LCLAT1: variants seen among roughly 807,000 people sequenced by gnomAD.
LCLAT1 encodes the protein lysocardiolipin acyltransferase 1.
Under a neutral mutation model 30.7 loss-of-function variants are expected in LCLAT1, and 11 were observed. The observed-to-expected ratio is 0.36, with a 90% confidence interval of 0.23 to 0.59. The LOEUF (loss-of-function observed/expected upper bound fraction) is 0.59. LCLAT1 is among the 20% of genes least tolerant of loss of function. The pLI, the probability that LCLAT1 is intolerant of heterozygous loss-of-function variation, is 0.77. For synonymous variants in LCLAT1, 155 were observed against 151.3 expected, an observed-to-expected ratio of 1.02 and a Z score of -0.18; for missense variants, 402 against 458.6, an observed-to-expected ratio of 0.88 and a Z score of 1.13.
intron 1 of LCLAT1, among the ~76,000 whole-genome samples, chr2:30,513,853 A>G (rs966078394): frequency 6.6e-6 from 1 of 152,216 alleles, no homozygotes; most frequent in Non-Finnish European, 1.5e-5. Flanking sequence ...CTTTCCAGAT[A>G]GAACCAAATG....
chr2:30,490,814 G>A (rs1421497198), intron 1 of LCLAT1, among the ~76,000 whole-genome samples: 4 of 152,164 alleles, frequency 2.6e-5, no homozygotes, highest in Admixed American at 2.0e-4. Context: ...AAGCAGCACT[G>A]TCCAACATGG....
intron 5 of LCLAT1, chr2:30,605,963 G>C (rs931001598): frequency 6.9e-5 from 87 of 1,253,158 alleles, no homozygotes; most frequent in Non-Finnish European, 8.7e-5. Flanking sequence ...TCACAGGAGG[G>C]TTCTTGCTAC....
At chr2:30,523,199 G>A (rs1685558442) in intron 1 of LCLAT1, among the ~76,000 whole-genome samples, 1 of 151,496 alleles carries the variant, frequency 6.6e-6, no homozygotes, top group Non-Finnish European at 1.5e-5. Context: ...AGCGTTGCAG[G>A]ACTGGGGGGC....
intron 3 of LCLAT1, among the ~76,000 whole-genome samples, chr2:30,544,989 A>G (rs991918383): frequency 6.6e-6 from 1 of 152,126 alleles, no homozygotes; most frequent in African/African-American, 2.4e-5. Context: ...GTTATAAGCT[A>G]CTTATAGAGT....
At chr2:30,500,690 T>C (rs1326724439) in intron 1 of LCLAT1, among the ~76,000 whole-genome samples, 6 of 152,214 alleles carry the variant, frequency 3.9e-5, no homozygotes, top group African/African-American at 1.4e-4. Flanking sequence ...GAACCGATTG[T>C]AAGAGGGAAA....
At chr2:30,558,997 T>G (rs186984464) in intron 3 of LCLAT1, among the ~76,000 whole-genome samples, 1 of 152,234 alleles carries the variant, frequency 6.6e-6, no homozygotes, top group Non-Finnish European at 1.5e-5. Context: ...TATATTTATA[T>G]AATTGACACC....
At chr2:30,532,524 C>A (rs964950047) in intron 2 of LCLAT1, among the ~76,000 whole-genome samples, 1 of 151,972 alleles carries the variant, frequency 6.6e-6, no homozygotes, top group African/African-American at 2.4e-5. Context: ...ATATACCTGG[C>A]CCATCAGAAA....
At chr2:30,538,385 A>G (rs1663911278) in intron 3 of LCLAT1, among the ~76,000 whole-genome samples, 1 of 152,140 alleles carries the variant, frequency 6.6e-6, no homozygotes. Flanking sequence ...TGCAGTGCTC[A>G]TGGCTTTACC....
chr2:30,510,958 T>C (rs535959579), intron 1 of LCLAT1, among the ~76,000 whole-genome samples: 111 of 152,332 alleles, frequency 7.3e-4, no homozygotes, highest in Non-Finnish European at 1.2e-3. Context: ...ATTTATTGTC[T>C]TTTTGAAAAT....
intron 1 of LCLAT1, among the ~76,000 whole-genome samples, chr2:30,493,114 A>G (rs1446089079): frequency 1.3e-5 from 2 of 152,180 alleles, no homozygotes; most frequent in African/African-American, 4.8e-5. Flanking sequence ...CAGTTGCAGT[A>G]ATGTCAGGCA....
chr2:30,543,252 A>G lies in LCLAT1; in HGVS notation c.364+9938A>G, dbSNP rs926717532. ...ATGAATTTTCTCCCTTGTTCTATTA[A>G]TATGTTAAATTGCATTGGTTAATCT... is the stretch of plus-strand genomic sequence containing the variant. On this transcript the variant is annotated intron_variant, in intron 3 of 5. Coordinates refer to ENST00000379509, the MANE Select transcript of LCLAT1 (RefSeq NM_001002257.3). 5.9e-5 allele frequency among the ~76,000 whole-genome samples: 9 copies of G among 152,196 alleles called. No individual in the cohort carries two copies. The South Asian group carries it at 1.0e-3, about 18-fold the overall frequency.
intron 1 of LCLAT1, among the ~76,000 whole-genome samples, chr2:30,521,468 C>T (rs1240875691): frequency 2.1e-5 from 3 of 140,126 alleles, no homozygotes; most frequent in African/African-American, 8.0e-5. Context: ...AGAACAGTTT[C>T]CTCAACCCCC....
intron 5 of LCLAT1, among the ~76,000 whole-genome samples, chr2:30,623,352 C>T (rs975322723): frequency 2.6e-5 from 4 of 152,038 alleles, no homozygotes; most frequent in African/African-American, 9.7e-5. Flanking sequence ...CCACACCTGG[C>T]CCTAAGAAAT....
chr2:30,635,033 C>T (rs10469986), intron 5 of LCLAT1, among the ~76,000 whole-genome samples: 1 of 152,082 alleles, frequency 6.6e-6, no homozygotes, highest in Admixed American at 6.5e-5. Flanking sequence ...CTCTTCTACT[C>T]AAGAAGTACA....
intron 1 of LCLAT1, among the ~76,000 whole-genome samples, chr2:30,481,298 G>A (rs141605483): frequency 0.011 from 1,713 of 152,344 alleles, 16 homozygotes; most frequent in Non-Finnish European, 0.013. Flanking sequence ...TGTTAGGTAA[G>A]TAGATGAACC....
chr2:30,536,999 A>G (rs1024236279), intron 3 of LCLAT1, among the ~76,000 whole-genome samples: 10 of 148,982 alleles, frequency 6.7e-5, no homozygotes, highest in Admixed American at 3.4e-4. Context: ...GAAGAAACAC[A>G]TAGACTGAAA....
intron 1 of LCLAT1, among the ~76,000 whole-genome samples, chr2:30,516,375 G>A (rs1252639): frequency 9.9e-5 from 15 of 152,004 alleles, no homozygotes; most frequent in Non-Finnish European, 1.8e-4. Flanking sequence ...GACTTTCACC[G>A]CTCTGGATCC....
chr2:30,589,199 CA>C (rs1476825860), intron 5 of LCLAT1, among the ~76,000 whole-genome samples: 6 of 152,202 alleles, frequency 3.9e-5, no homozygotes, highest in Non-Finnish European at 2.9e-5. Flanking sequence ...GTAAACTTGA[CA>C]AAACATTTTT....
chr2:30,612,588 A>G (rs1667790758), intron 5 of LCLAT1, among the ~76,000 whole-genome samples: 1 of 152,196 alleles, frequency 6.6e-6, no homozygotes, highest in African/African-American at 2.4e-5. Context: ...TAATATAGTG[A>G]TTGCACAGAT....
Sources: allele counts gnomAD v4.1 joint callset (sites outside exome capture counted in the v4.1 genomes callset), GRCh38; gene constraint gnomAD v4.1.1; transcripts MANE v1.5; gene names NCBI Gene and HGNC (gene_info 2026-07-23, HGNC 2026-07-21).